The following CACNG4 variants were observed in gnomAD, a reference collection of about 807,000 sequenced individuals.
The protein encoded by CACNG4 is calcium voltage-gated channel auxiliary subunit gamma 4.
CACNG4 carries 8 observed loss-of-function variants against 22.9 expected under a neutral mutation model. The observed-to-expected ratio is 0.35, with a 90% CI of 0.21 to 0.63. The LOEUF is 0.63. Ranked by LOEUF, CACNG4 falls within the 30% of genes least tolerant of loss-of-function variation. CACNG4 has a pLI of 0.72. For synonymous variants in CACNG4, 188 were observed against 191.9 expected, an observed-to-expected ratio of 0.98 and a Z score of 0.17; for missense variants, 357 against 455.4, an observed-to-expected ratio of 0.78 and a Z score of 1.97.
rs1204556001 is a variant in CACNG4 at position 66,979,756 on chromosome 17, T to TC, written c.220+14625_220+14626insC. On this transcript the variant is annotated intron_variant, in intron 1 of 3. Coordinates refer to ENST00000262138, the MANE Select transcript of CACNG4 (RefSeq NM_014405.4). ...TTGTTCTTTTCATGCTTTTTTTTTT[T>TC]TTTTTTTTTTTGAGATGGAGTCTCA... Among the ~76,000 whole-genome samples the TC allele has an allele frequency of 2.3e-4, 33 of 144,792 alleles. 1 individual carries two copies. The highest frequency in any genetic ancestry group is 4.7e-4 in the South Asian group (2 of 4,284). 95.0% of individuals were successfully genotyped at this position (144,792 alleles called of 152,430 possible). A position where few individuals can be genotyped will look rare whatever the true frequency, so the allele number is the denominator to read the frequency against.
chr17:66,987,480 T>C (rs2035311803), intron 1 of CACNG4, among the ~76,000 whole-genome samples: 1 of 152,174 alleles, frequency 6.6e-6, no homozygotes, highest in Admixed American at 6.5e-5. Context: ...AACCACTCTG[T>C]GTCTTTCAGA....
intron 1 of CACNG4, among the ~76,000 whole-genome samples, chr17:66,968,256 TA>T (rs2035182203): frequency 6.6e-6 from 1 of 152,178 alleles, no homozygotes; most frequent in African/African-American, 2.4e-5. Flanking sequence ...CCATTAAAAA[TA>T]GACCAAGTAC....
At chr17:67,006,327 A>G (rs1030231532) in intron 1 of CACNG4, among the ~76,000 whole-genome samples, 2 of 152,310 alleles carry the variant, frequency 1.3e-5, no homozygotes, top group South Asian at 2.1e-4. Flanking sequence ...GGCATGAGCC[A>G]TGAGTTTTCC....
At chr17:66,974,113 G>T (rs986568774) in intron 1 of CACNG4, among the ~76,000 whole-genome samples, 1 of 152,292 alleles carries the variant, frequency 6.6e-6, no homozygotes, top group Admixed American at 6.5e-5. Context: ...GGACTGGGGC[G>T]GATAGAAAAA....
At chr17:66,972,122 G>T (rs1056860587) in intron 1 of CACNG4, among the ~76,000 whole-genome samples, 2 of 152,174 alleles carry the variant, frequency 1.3e-5, no homozygotes, top group African/African-American at 2.4e-5. Context: ...CCAGGCGACA[G>T]CACCATGGCC....
At chr17:66,977,226 T>G (rs976048387) in intron 1 of CACNG4, among the ~76,000 whole-genome samples, 1 of 152,132 alleles carries the variant, frequency 6.6e-6, no homozygotes, top group Admixed American at 6.5e-5. Flanking sequence ...ATCACATCAT[T>G]CCCCAGCTCA....
chr17:66,965,160 CCA>C (rs55909537), intron 1 of CACNG4, 29 bp downstream of exon 1: 12,839 of 823,822 alleles, frequency 0.016, 4 homozygotes, highest in Non-Finnish European at 0.017. Flanking sequence ...CCTCGCCGCC[CCA>C]CACACACACA....
chr17:66,995,385 G>A (rs1018419974), intron 1 of CACNG4, among the ~76,000 whole-genome samples: 11 of 152,102 alleles, frequency 7.2e-5, no homozygotes, highest in Non-Finnish European at 8.8e-5. Flanking sequence ...GAGGAAGGTC[G>A]GGCTCTTCAG....
At chr17:66,977,334 C>A (rs1422487800) in intron 1 of CACNG4, among the ~76,000 whole-genome samples, 2 of 152,190 alleles carry the variant, frequency 1.3e-5, no homozygotes, top group Non-Finnish European at 2.9e-5. Flanking sequence ...GGATCCAGCC[C>A]GCCCCACTTT....
rs779960691 is a variant in CACNG4 at position 67,030,666 on chromosome 17, A to G, written c.646A>G (p.Lys216Glu). 7 of 1,614,096 alleles carry G rather than the reference A, an allele frequency of 4.3e-6. No homozygotes were observed. The highest frequency in any genetic ancestry group is 5.9e-6 in the Non-Finnish European group (7 of 1,180,056). ...TGAGAAAAATAAAGAGTTGAGGTTT[A>G]AGACCAAACGGGAATTCCTTAAGGC... is the stretch of plus-strand genomic sequence containing the variant. Reference protein sequence around the residue: ...YIEKNKELRFKTKREFLKASS... With the variant: ...YIEKNKELRFETKREFLKASS... The change falls in exon 4 of 4, where the codon AAG becomes GAG. Residue 216 changes from lysine (K) to glutamate (E), a missense_variant. Lys to Glu is a moderately conservative substitution (Grantham distance 56). Coordinates refer to ENST00000262138, the MANE Select transcript of CACNG4 (RefSeq NM_014405.4). This position sits in a 1 kb window ranked among gnomAD's most constrained non-coding sequence, Gnocchi z 6.4.
Position 67,030,806 on chromosome 17 carries a change from C to T in CACNG4, c.786C>T (p.Gly262=), listed in dbSNP as rs1439285907. The T allele has an allele frequency of 6.2e-7, 1 of 1,614,114 alleles. No individual in the cohort carries two copies. The highest frequency in any genetic ancestry group is 1.1e-5 in the South Asian group (1 of 91,074). The change falls in exon 4 of 4, where the codon GGC becomes GGT. Residue 262 remains glycine, a synonymous_variant. Transcript: ENST00000262138. This position sits in a 1 kb window ranked among gnomAD's most constrained non-coding sequence, Gnocchi z 6.4. ...CCTCCAGGGACGTGTCGCCCATGGG[C>T]CTGAAGATCACAGGGGCCATCCCCA... ...ASPSRDVSPM[G]LKITGAIPMG... is the part of the protein sequence containing the mutation.
At chr17:66,990,915 C>T (rs973837394) in intron 1 of CACNG4, among the ~76,000 whole-genome samples, 2 of 151,996 alleles carry the variant, frequency 1.3e-5, no homozygotes, top group Admixed American at 6.6e-5. Context: ...CTCCTGACCT[C>T]GTGATCCGCC....
chr17:66,974,598 G>A (rs1201243864), intron 1 of CACNG4, among the ~76,000 whole-genome samples: 4 of 152,164 alleles, frequency 2.6e-5, no homozygotes, highest in Non-Finnish European at 4.4e-5. Context: ...CCCCCGCGCA[G>A]AGTGCTCGTT....
chr17:67,009,014 G>T (rs1056939299), intron 1 of CACNG4, among the ~76,000 whole-genome samples: 1 of 152,108 alleles, frequency 6.6e-6, no homozygotes, highest in African/African-American at 2.4e-5. Flanking sequence ...CTTATGAAAA[G>T]GGGAACTTTG....
intron 2 of CACNG4, among the ~76,000 whole-genome samples, chr17:67,023,315 A>G (rs1490555299): frequency 2.5e-5 from 3 of 118,416 alleles, no homozygotes; most frequent in African/African-American, 1.0e-4. Flanking sequence ...TCGCTCTGTC[A>G]CCCAGGCTGG....
chr17:66,976,500 CTCCCTCTT>C (rs916689827), intron 1 of CACNG4, among the ~76,000 whole-genome samples: 1 of 150,498 alleles, frequency 6.6e-6, no homozygotes, highest in African/African-American at 2.4e-5. Flanking sequence ...CCTCTCCATC[CTCCCTCTT>C]TCCCTCCCTC....
intron 1 of CACNG4, among the ~76,000 whole-genome samples, chr17:66,982,498 T>A (rs1324185857): frequency 7.5e-6 from 1 of 132,960 alleles, no homozygotes; most frequent in African/African-American, 2.5e-5. Flanking sequence ...TACAGGGCGT[T>A]GATTGGCGTG....
At chr17:66,985,786 T>G (rs991739741) in intron 1 of CACNG4, among the ~76,000 whole-genome samples, 2 of 152,106 alleles carry the variant, frequency 1.3e-5, no homozygotes, top group Non-Finnish European at 2.9e-5. Flanking sequence ...GTTACGATTC[T>G]GTGTGGAAAT....
intron 3 of CACNG4, among the ~76,000 whole-genome samples, chr17:67,026,992 G>A (rs541709738): frequency 1.3e-4 from 20 of 151,906 alleles, no homozygotes; most frequent in Non-Finnish European, 2.5e-4. Context: ...TCCCGGCTGT[G>A]ACCCCTCAAC....
Sources: allele counts gnomAD v4.1 joint callset (sites outside exome capture counted in the v4.1 genomes callset), GRCh38; gene constraint gnomAD v4.1.1; non-coding constraint Gnocchi (gnomAD v3.1); transcripts MANE v1.5; gene names NCBI Gene and HGNC (gene_info 2026-07-23, HGNC 2026-07-21).